The following NTRK2 variants were observed in gnomAD, a reference collection of about 807,000 sequenced individuals.
NTRK2 encodes the protein neurotrophic receptor tyrosine kinase 2, also known as BDNF/NT-3 growth factors receptor.
A neutral mutation model predicts 94.5 loss-of-function variants in NTRK2; 13 were observed. The ratio of observed to expected loss-of-function variants is 0.14; its 90% CI spans 0.09 to 0.22. The LOEUF is 0.22. Ranked by LOEUF, NTRK2 falls within the 10% of genes least tolerant of loss-of-function variation. NTRK2 has a pLI of 1.00. For missense variants in NTRK2, 639 were observed against 1,071.2 expected, an observed-to-expected ratio of 0.60 and a Z score of 5.63; for synonymous variants, 372 against 407.4, an observed-to-expected ratio of 0.91 and a Z score of 1.05.
At chr9:84,911,733 T>C (rs2077241549) in intron 14 of NTRK2, among the ~76,000 whole-genome samples, 1 of 152,142 alleles carries the variant, frequency 6.6e-6, no homozygotes, top group South Asian at 2.1e-4. Flanking sequence ...TTTCCTCTAT[T>C]GTTTTTGTTT....
chr9:84,987,739 A>G (rs1166126121), intron 17 of NTRK2, among the ~76,000 whole-genome samples: 1 of 152,220 alleles, frequency 6.6e-6, no homozygotes, highest in East Asian at 1.9e-4. Context: ...AATTATACTT[A>G]GGATGCAGAA....
At chr9:84,842,326 G>A (rs980357447) in intron 12 of NTRK2, among the ~76,000 whole-genome samples, 9 of 152,220 alleles carry the variant, frequency 5.9e-5, no homozygotes, top group Admixed American at 1.3e-4. Context: ...GGCTGCCAGC[G>A]TTATCATCAT....
chr9:84,807,790 G>T (rs1040275942), intron 12 of NTRK2, among the ~76,000 whole-genome samples: 2 of 152,104 alleles, frequency 1.3e-5, no homozygotes, highest in African/African-American at 4.8e-5. Flanking sequence ...TAGGTAAATC[G>T]TGGCCTGGAT....
intron 12 of NTRK2, among the ~76,000 whole-genome samples, chr9:84,844,301 A>G (rs2074347689): frequency 6.6e-6 from 1 of 152,198 alleles, no homozygotes; most frequent in African/African-American, 2.4e-5. Flanking sequence ...CTTTTCAGCC[A>G]ACCTTAGTCC....
At chr9:85,013,886 A>G (rs1052344495) in intron 17 of NTRK2, among the ~76,000 whole-genome samples, 31 of 152,292 alleles carry the variant, frequency 2.0e-4, no homozygotes, top group African/African-American at 7.0e-4. Flanking sequence ...AAATACCACA[A>G]GCTGAAAGTG....
chr9:84,826,053 C>T (rs1239428824), intron 12 of NTRK2, among the ~76,000 whole-genome samples: 1 of 152,152 alleles, frequency 6.6e-6, no homozygotes, highest in African/African-American at 2.4e-5. Context: ...AAATTCCACC[C>T]CCCACCCGCC....
intron 2 of NTRK2, among the ~76,000 whole-genome samples, chr9:84,675,612 C>T (rs2131330586): frequency 1.3e-5 from 2 of 151,726 alleles, no homozygotes; most frequent in Middle Eastern, 6.8e-3. Flanking sequence ...GGGGGAGAGA[C>T]TATTGAAGCA....
intron 2 of NTRK2, among the ~76,000 whole-genome samples, chr9:84,672,237 A>G (rs965395747): frequency 6.6e-6 from 1 of 152,188 alleles, no homozygotes; most frequent in Admixed American, 6.5e-5. Context: ...TGTAAGCCTC[A>G]GGCAAAAGGA....
At chr9:84,822,105 G>A (rs1205999300) in intron 12 of NTRK2, among the ~76,000 whole-genome samples, 4 of 152,086 alleles carry the variant, frequency 2.6e-5, no homozygotes, top group African/African-American at 4.8e-5. Flanking sequence ...TGGAATTCTG[G>A]AGCAAGATAG....
chr9:84,970,335 A>G (rs966567273), intron 17 of NTRK2, among the ~76,000 whole-genome samples: 1 of 152,126 alleles, frequency 6.6e-6, no homozygotes, highest in African/African-American at 2.4e-5. Context: ...AGATCACACC[A>G]CTGCACTCCA....
At chr9:84,826,705 A>C (rs778724679) in intron 12 of NTRK2, among the ~76,000 whole-genome samples, 3 of 152,190 alleles carry the variant, frequency 2.0e-5, no homozygotes, top group Non-Finnish European at 2.9e-5. Flanking sequence ...ACTCATTTCC[A>C]CCACGTAGAT....
intron 2 of NTRK2, among the ~76,000 whole-genome samples, chr9:84,677,690 T>C (rs1055060197): frequency 6.6e-6 from 1 of 152,144 alleles, no homozygotes; most frequent in East Asian, 1.9e-4. Flanking sequence ...CCAACCTTGG[T>C]GCCCAAATTT....
intron 14 of NTRK2, among the ~76,000 whole-genome samples, chr9:84,908,738 A>C (rs999797012): frequency 6.6e-6 from 1 of 152,218 alleles, no homozygotes; most frequent in South Asian, 2.1e-4. Flanking sequence ...GACCAAATCC[A>C]TAATTGTTAA....
chr9:84,913,994 T>C (rs542651448), intron 14 of NTRK2, among the ~76,000 whole-genome samples: 212 of 152,212 alleles, frequency 1.4e-3, no homozygotes, highest in Middle Eastern at 0.01. Flanking sequence ...CCAGTCCATT[T>C]TCCTTCTGAA....
chr9:85,002,246 T>C (rs1356549339), intron 17 of NTRK2, among the ~76,000 whole-genome samples: 1 of 152,166 alleles, frequency 6.6e-6, no homozygotes, highest in Non-Finnish European at 1.5e-5. Context: ...AGCAAGCCTG[T>C]TGACAATTTC....
intron 17 of NTRK2, among the ~76,000 whole-genome samples, chr9:85,001,347 C>G (rs1301800827): frequency 6.6e-6 from 1 of 152,214 alleles, no homozygotes; most frequent in Non-Finnish European, 1.5e-5. Flanking sequence ...ACAGTGCCCA[C>G]TTATTCTTGA....
chr9:84,671,239 ATTTCAAAGCTCTGC>A (rs1214278620), intron 2 of NTRK2, among the ~76,000 whole-genome samples: 1 of 152,196 alleles, frequency 6.6e-6, no homozygotes, highest in Non-Finnish European at 1.5e-5. Context: ...TGCTTTTTAT[ATTTCAAAGCTCTGC>A]TGGGTGTGCT....
chr9:84,998,224 A>G (rs1829975070), intron 17 of NTRK2, among the ~76,000 whole-genome samples: 1 of 152,200 alleles, frequency 6.6e-6, no homozygotes, highest in Non-Finnish European at 1.5e-5. Context: ...GCAGTCAATC[A>G]CATGGATACC....
chr9:84,800,113 G>C lies in NTRK2; in HGVS notation c.1396+48028G>C, dbSNP rs1187286. Among the ~76,000 whole-genome samples, 12 of 152,072 alleles carry C rather than the reference G, an allele frequency of 7.9e-5. No homozygotes were observed. In the East Asian group the frequency reaches 2.3e-3, roughly 29 times the overall value. ...CTCAGAAGCAAGCCTGGATAGAGAG[G>C]ATGTGTTCCTGGAGGCACTCCTCTC... On this transcript the variant is annotated intron_variant, in intron 12 of 18. Coordinates refer to ENST00000277120, the MANE Select transcript of NTRK2 (RefSeq NM_006180.6).
Sources: gnomAD v4.1 joint callset for allele counts (sites outside exome capture counted in the v4.1 genomes callset) on GRCh38, gnomAD v4.1.1 for gene constraint, MANE v1.5 for transcripts, NCBI Gene and HGNC (gene_info 2026-07-23, HGNC 2026-07-21) for gene names.